MAD1L1: variants seen among roughly 807,000 people sequenced by gnomAD.
MAD1L1 encodes the protein mitotic arrest deficient 1 like 1.
Under a neutral mutation model 96.9 loss-of-function variants are expected in MAD1L1, and 95 were observed. The ratio of observed to expected loss-of-function variants is 0.98; its 90% confidence interval spans 0.83 to 1.16. MAD1L1 has a LOEUF of 1.16. Ranked by LOEUF, MAD1L1 falls within the 50% of genes most tolerant of loss-of-function variation. MAD1L1 has a pLI of 0.00. For synonymous variants in MAD1L1, 473 were observed against 396.6 expected (o/e 1.19, Z -2.29); for missense variants, 1,007 against 954.4 (o/e 1.06, Z -0.73).
In MAD1L1 at chr7:1,986,213, C is replaced by T. The variant is rs77085842; in HGVS notation, c.1417-5672G>A. On this transcript the variant is annotated intron_variant, in intron 14 of 18. Coordinates refer to ENST00000265854, the MANE Select transcript of MAD1L1 (RefSeq NM_001013836.2). ...TCCCTCCGGCAGGAGAGAAAGGACACCGTGAGTTTTCCTAAGAGCAAATGT... is the reference window on the plus strand; with the variant it reads ...TCCCTCCGGCAGGAGAGAAAGGACATCGTGAGTTTTCCTAAGAGCAAATGT... Among the ~76,000 whole-genome samples, 42 of 152,346 alleles carry T rather than the reference C, an allele frequency of 2.8e-4. 1 individual carries two copies. In the East Asian group the frequency reaches 5.0e-3, roughly 18 times the overall value.
At chr7:2,067,420 C>T (rs567439350) in intron 12 of MAD1L1, among the ~76,000 whole-genome samples, 4 of 152,174 alleles carry the variant, frequency 2.6e-5, no homozygotes, top group Non-Finnish European at 5.9e-5. Flanking sequence ...CTTCCTCCCC[C>T]AGGAAGCTCT....
intron 18 of MAD1L1, 32 bp from the exon 19 acceptor site, chr7:1,816,260 C>A: frequency 6.3e-7 from 1 of 1,595,332 alleles, no homozygotes; most frequent in Non-Finnish European, 8.6e-7. Context: ...GACAAGACAG[C>A]GGTCAGCCCG....
At chr7:1,868,798 C>A (rs545647484) in intron 18 of MAD1L1, among the ~76,000 whole-genome samples, 1 of 152,306 alleles carries the variant, frequency 6.6e-6, no homozygotes, top group South Asian at 2.1e-4. Flanking sequence ...AGAAGACCAG[C>A]ATGTCAGCTA....
chr7:2,034,902 TC>T (rs1783397528), intron 12 of MAD1L1, among the ~76,000 whole-genome samples: 1 of 152,216 alleles, frequency 6.6e-6, no homozygotes, highest in Non-Finnish European at 1.5e-5. Context: ...ATGTCCAGTG[TC>T]ACAGTCAAAG....
At chr7:2,132,625 C>T (rs1013607816) in intron 11 of MAD1L1, among the ~76,000 whole-genome samples, 70 of 152,374 alleles carry the variant, frequency 4.6e-4, no homozygotes, top group African/African-American at 1.5e-3. Flanking sequence ...CAGAATACCA[C>T]GGAGGAGAAA....
At chr7:2,139,761 G>A (rs557171138) in intron 11 of MAD1L1, among the ~76,000 whole-genome samples, 9 of 152,360 alleles carry the variant, frequency 5.9e-5, no homozygotes, top group Admixed American at 3.3e-4. Flanking sequence ...GGGGCTCTGC[G>A]TGGAGAGGCC....
chr7:1,968,227 C>T lies in MAD1L1; in HGVS notation c.1506-10508G>A, dbSNP rs1324573660. Among the ~76,000 whole-genome samples, 2 of 152,164 alleles carry T rather than the reference C, an allele frequency of 1.3e-5. No homozygotes were observed. Among genetic ancestry groups the T allele is most frequent in the African/African-American group, 2.4e-5 (1 of 41,432 alleles). On this transcript the variant is annotated intron_variant, in intron 15 of 18. Transcript: ENST00000265854. This position sits in a 1 kb window ranked among gnomAD's most constrained non-coding sequence, Gnocchi z 5.6. The stretch of plus-strand genomic sequence containing the variant: ...CCGGCGGTCAGGTCCACCGTCGACG[C>T]CTCAGTCCGGCGGTCAGGTCCACCG...
chr7:1,967,955 T>C (rs1780240597), intron 15 of MAD1L1, among the ~76,000 whole-genome samples: 1 of 151,872 alleles, frequency 6.6e-6, no homozygotes, highest in East Asian at 1.9e-4. Flanking sequence ...TCCTGGTGCG[T>C]GCACCAGATC....
intron 18 of MAD1L1, among the ~76,000 whole-genome samples, chr7:1,891,419 A>G (rs149502294): frequency 0.018 from 2,797 of 152,222 alleles, 76 homozygotes; most frequent in African/African-American, 0.063. Flanking sequence ...CCAGGTACTC[A>G]GGAGGCTGAG....
chr7:1,854,364 C>A (rs538630293), intron 18 of MAD1L1: 5 of 473,286 alleles, frequency 1.1e-5, no homozygotes, highest in Non-Finnish European at 2.1e-5. Context: ...GGAACCTACC[C>A]TGTGGAAGCC....
chr7:1,909,183 C>T (rs528372352), intron 17 of MAD1L1, among the ~76,000 whole-genome samples: 21 of 152,140 alleles, frequency 1.4e-4, no homozygotes, highest in Non-Finnish European at 2.9e-4. Context: ...GGTCTGACCT[C>T]GACGAGAGAC....
chr7:1,823,787 G>A (rs1782248144), intron 18 of MAD1L1, among the ~76,000 whole-genome samples: 1 of 152,178 alleles, frequency 6.6e-6, no homozygotes, highest in Admixed American at 6.5e-5. Flanking sequence ...TGTTCCAGAT[G>A]AGAAGCCGCA....
intron 10 of MAD1L1, among the ~76,000 whole-genome samples, chr7:2,207,898 C>A (rs543685368): frequency 6.6e-6 from 1 of 152,116 alleles, no homozygotes; most frequent in African/African-American, 2.4e-5. Context: ...TGGGCCCTGA[C>A]CCATTGGAAG....
chr7:2,012,364 C>T (rs917364814), intron 13 of MAD1L1, among the ~76,000 whole-genome samples: 7 of 152,198 alleles, frequency 4.6e-5, no homozygotes, highest in Admixed American at 1.3e-4. Flanking sequence ...ACGCCAGGGA[C>T]GGCAGAAGGG....
intron 11 of MAD1L1, among the ~76,000 whole-genome samples, chr7:2,090,023 C>A (rs935897189): frequency 2.0e-5 from 3 of 152,196 alleles, no homozygotes. Context: ...TGAGGGCAGG[C>A]GGACAAGGAA....
At chr7:1,863,614 C>T (rs1784635658) in intron 18 of MAD1L1, among the ~76,000 whole-genome samples, 2 of 152,232 alleles carry the variant, frequency 1.3e-5, no homozygotes, top group Admixed American at 6.5e-5. Flanking sequence ...CAGAGACCGT[C>T]ACCTGCCCAC....
intron 10 of MAD1L1, among the ~76,000 whole-genome samples, chr7:2,192,406 A>T (rs962050963): frequency 1.1e-4 from 17 of 152,312 alleles, no homozygotes; most frequent in African/African-American, 4.1e-4. Flanking sequence ...TGCTGGGATA[A>T]CAGGCGTGAG....
intron 12 of MAD1L1, among the ~76,000 whole-genome samples, chr7:2,025,634 A>G (rs1291142410): frequency 6.6e-6 from 1 of 152,240 alleles, no homozygotes; most frequent in East Asian, 1.9e-4. Flanking sequence ...AAGGGTTAGA[A>G]ATGTGTACAT....
chr7:2,163,879 G>T (rs1790289400), intron 10 of MAD1L1, among the ~76,000 whole-genome samples: 1 of 152,168 alleles, frequency 6.6e-6, no homozygotes, highest in East Asian at 1.9e-4. Context: ...ACAGAAACGT[G>T]CATGTAAATA....
Sources: gnomAD v4.1 joint callset for allele counts (sites outside exome capture counted in the v4.1 genomes callset) on GRCh38, gnomAD v4.1.1 for gene constraint, Gnocchi (gnomAD v3.1) non-coding constraint, MANE v1.5 for transcripts, NCBI Gene and HGNC (gene_info 2026-07-23, HGNC 2026-07-21) for gene names.